The following SCHIP1 variants were observed in gnomAD, a reference collection of about 807,000 sequenced individuals.
SCHIP1 encodes the protein schwannomin-interacting protein 1.
In SCHIP1, 8 loss-of-function variants were observed where a neutral mutation model predicts 29.7. That is an observed-to-expected ratio of 0.27 (90% CI 0.16 to 0.49). SCHIP1 has a LOEUF of 0.49. SCHIP1 is among the 20% of genes least tolerant of loss of function. The pLI is 0.99. For missense variants in SCHIP1, 193 were observed against 294.6 expected (o/e 0.66, Z 2.52); for synonymous variants, 76 against 94.9 (o/e 0.80, Z 1.16).
chr3:159,493,650 A>G, the SCHIP1 span, among the ~76,000 whole-genome samples: 5 of 150,816 alleles, frequency 3.3e-5, no homozygotes, highest in South Asian at 1.1e-3. Flanking sequence ...CACAATAATA[A>G]TGGGAGACTT....
the SCHIP1 span, among the ~76,000 whole-genome samples, chr3:159,680,697 A>ATGT: frequency 1.5e-4 from 1 of 6,594 alleles, no homozygotes; most frequent in Non-Finnish European, 4.0e-4. Flanking sequence ...GTATATATAT[A>ATGT]ATATATATTA....
At chr3:159,348,667 T>C in the SCHIP1 span, among the ~76,000 whole-genome samples, 1 of 152,150 alleles carries the variant, frequency 6.6e-6, no homozygotes, top group Non-Finnish European at 1.5e-5. Context: ...CCATTGCATT[T>C]CCATCTGGCA....
At chr3:159,278,081 T>G in the SCHIP1 span, among the ~76,000 whole-genome samples, 1 of 152,172 alleles carries the variant, frequency 6.6e-6, no homozygotes, top group Non-Finnish European at 1.5e-5. Context: ...GGCTATGTGA[T>G]CTCTAAGGTC....
the SCHIP1 span, chr3:159,273,972 T>G: frequency 3.2e-6 from 5 of 1,548,826 alleles, no homozygotes; most frequent in African/African-American, 6.9e-5. Context: ...ACTAAGTAAC[T>G]TTAAATTTAA....
the SCHIP1 span, among the ~76,000 whole-genome samples, chr3:159,740,771 G>GAAA: frequency 0.14 from 14,609 of 104,860 alleles, 2,006 homozygotes; most frequent in African/African-American, 0.29. Flanking sequence ...CAAAAAAAAA[G>GAAA]AAAAAAAAAA....
chr3:159,382,504 T>C, the SCHIP1 span, among the ~76,000 whole-genome samples: 5 of 152,054 alleles, frequency 3.3e-5, no homozygotes, highest in Non-Finnish European at 5.9e-5. Flanking sequence ...ATCCAGTCTA[T>C]CATTGTTGGA....
At chr3:159,853,353 T>C (rs774777245) in intron 1 of SCHIP1, 1 of 685,096 alleles carries the variant, frequency 1.5e-6, no homozygotes, top group South Asian at 1.6e-5. Flanking sequence ...AGGTTATTTC[T>C]TAAGTGAAAT....
At chr3:159,891,143 G>A (rs372158703) in intron 5 of SCHIP1, among the ~76,000 whole-genome samples, 1 of 152,038 alleles carries the variant, frequency 6.6e-6, no homozygotes, top group Non-Finnish European at 1.5e-5. Flanking sequence ...AGGCCGAGGC[G>A]GGCAGATCAC....
the SCHIP1 span, chr3:159,274,129 C>CT: frequency 8.8e-5 from 87 of 985,188 alleles, no homozygotes; most frequent in African/African-American, 1.4e-3. Context: ...TTTGAGTGTT[C>CT]TTTTTTGTAG....
chr3:159,502,364 G>A, the SCHIP1 span, among the ~76,000 whole-genome samples: 1 of 152,124 alleles, frequency 6.6e-6, no homozygotes, highest in African/African-American at 2.4e-5. Flanking sequence ...ATGGGCTAAT[G>A]GGTGATTGTG....
the SCHIP1 span, among the ~76,000 whole-genome samples, chr3:159,503,011 C>T: frequency 6.6e-6 from 1 of 152,292 alleles, no homozygotes; most frequent in East Asian, 1.9e-4. Flanking sequence ...ATAAGTGATG[C>T]CTTCTCTCCC....
chr3:159,289,582 G>A, the SCHIP1 span, among the ~76,000 whole-genome samples: 2 of 152,086 alleles, frequency 1.3e-5, no homozygotes, highest in Non-Finnish European at 2.9e-5. Context: ...CAAACTGCAT[G>A]CTAGTGTTTT....
chr3:159,713,824 G>A, the SCHIP1 span, among the ~76,000 whole-genome samples: 461 of 151,970 alleles, frequency 3.0e-3, 2 homozygotes, highest in Non-Finnish European at 4.9e-3. Flanking sequence ...GGAACAAAGG[G>A]AATTTCTTAT....
the SCHIP1 span, among the ~76,000 whole-genome samples, chr3:159,497,111 TG>T: frequency 2.0e-4 from 30 of 149,722 alleles, no homozygotes; most frequent in South Asian, 4.2e-4. Context: ...GTTGTGGGGT[TG>T]GGGGAGGGAT....
chr3:159,646,870 A>G, the SCHIP1 span, among the ~76,000 whole-genome samples: 14 of 152,054 alleles, frequency 9.2e-5, no homozygotes, highest in Non-Finnish European at 1.3e-4. Context: ...CTGAGGAGGA[A>G]AATAACCAGG....
chr3:159,764,667 G>T, the SCHIP1 span: 6 of 1,593,328 alleles, frequency 3.8e-6, no homozygotes, highest in Non-Finnish European at 5.1e-6. The surrounding 1 kb of genome is among the most constrained non-coding windows in gnomAD (Gnocchi z 6.1). Flanking sequence ...CGCCGGAGGA[G>T]GACGGGGAGG....
At chr3:159,317,823 C>T in the SCHIP1 span, among the ~76,000 whole-genome samples, 1 of 152,118 alleles carries the variant, frequency 6.6e-6, no homozygotes, top group African/African-American at 2.4e-5. Flanking sequence ...TTGGCAGAAG[C>T]ATTATGTGCA....
chr3:159,750,288 T>C, the SCHIP1 span, among the ~76,000 whole-genome samples: 1,101 of 120,078 alleles, frequency 9.2e-3, 15 homozygotes, highest in African/African-American at 0.031. Flanking sequence ...TATATATATA[T>C]ATATATATAC....
At chr3:159,601,878 AG>A in the SCHIP1 span, among the ~76,000 whole-genome samples, 1 of 152,156 alleles carries the variant, frequency 6.6e-6, no homozygotes, top group African/African-American at 2.4e-5. Flanking sequence ...TGTCAGCAAA[AG>A]CTCCTGGGAT....
Sources: gnomAD v4.1 joint callset for allele counts (sites outside exome capture counted in the v4.1 genomes callset) on GRCh38, gnomAD v4.1.1 for gene constraint, Gnocchi (gnomAD v3.1) non-coding constraint, MANE v1.5 for transcripts, NCBI Gene and HGNC (gene_info 2026-07-23, HGNC 2026-07-21) for gene names.